CDC5L: variants seen among roughly 807,000 people sequenced by gnomAD.
CDC5L encodes the protein cell division cycle 5 like, also known as cell division cycle 5-like protein.
CDC5L carries 18 observed loss-of-function variants against 104.1 expected under a neutral mutation model. The observed-to-expected ratio is 0.17, with a 90% CI of 0.12 to 0.26. The LOEUF is 0.26. CDC5L is among the 10% of genes least tolerant of loss of function. CDC5L has a pLI of 1.00. For missense variants in CDC5L, 673 were observed against 956.9 expected (o/e 0.70, Z 3.91); for synonymous variants, 331 against 322.7 (o/e 1.03, Z -0.28).
At chr6:44,403,716 C>G in intron 5 of CDC5L, 93 bp from the exon 6 acceptor site, 1 of 861,284 alleles carries the variant, frequency 1.2e-6, no homozygotes, top group Non-Finnish European at 1.8e-6. Context: ...ATTTCTTCCC[C>G]AAATAAATAG....
intron 8 of CDC5L, among the ~76,000 whole-genome samples, chr6:44,418,526 TG>T (rs1792004851): frequency 6.6e-6 from 1 of 152,218 alleles, no homozygotes; most frequent in African/African-American, 2.4e-5. Context: ...ATGGGATGGC[TG>T]GGTCAAATGG....
intron 8 of CDC5L, among the ~76,000 whole-genome samples, chr6:44,409,030 G>A (rs1043440836): frequency 6.6e-6 from 1 of 152,168 alleles, no homozygotes; most frequent in African/African-American, 2.4e-5. Context: ...AACACGTGGG[G>A]TAGACACAGC....
chr6:44,430,851 G>C (rs778342483), intron 14 of CDC5L, among the ~76,000 whole-genome samples: 1 of 152,156 alleles, frequency 6.6e-6, no homozygotes, highest in African/African-American at 2.4e-5. Flanking sequence ...GATTACAGGC[G>C]TGAGCCACCA....
At chr6:44,410,604 G>A (rs1581649471) in intron 8 of CDC5L, among the ~76,000 whole-genome samples, 1 of 152,200 alleles carries the variant, frequency 6.6e-6, no homozygotes. Context: ...GTTGAAGGTA[G>A]CACTGCAAGG....
chr6:44,424,666 C>T (rs2153381512), intron 11 of CDC5L, 83 bp downstream of exon 11: 1 of 1,320,616 alleles, frequency 7.6e-7, no homozygotes, highest in Non-Finnish European at 1.1e-6. Context: ...ATTAAATGTC[C>T]CAAGATCTCT....
intron 8 of CDC5L, among the ~76,000 whole-genome samples, chr6:44,414,884 T>C (rs1234835515): frequency 6.6e-6 from 1 of 152,332 alleles, no homozygotes; most frequent in South Asian, 2.1e-4. Context: ...TATTCCCATG[T>C]TTTTTCCTCA....
At position 44,418,937 on chromosome 6, in the gene CDC5L, A is replaced by G. The variant is rs1246596550; in HGVS notation, c.1093-512A>G. ...GAGTAGGTTGCGAAAATTTTCTCCCATTTTGTAGGTTGCCTGTTCACTCTG... is the reference window on the plus strand; with the variant it reads ...GAGTAGGTTGCGAAAATTTTCTCCCGTTTTGTAGGTTGCCTGTTCACTCTG... On this transcript the variant is annotated intron_variant, in intron 8 of 15. Transcript: ENST00000371477. Among the ~76,000 whole-genome samples, 6 of 146,194 alleles carry G rather than the reference A, an allele frequency of 4.1e-5. No individual in the cohort carries two copies. In the Admixed American group the frequency reaches 4.2e-4, roughly 10 times the overall value.
chr6:44,412,638 G>C (rs960980030), intron 8 of CDC5L, among the ~76,000 whole-genome samples: 1 of 151,256 alleles, frequency 6.6e-6, no homozygotes, highest in African/African-American at 2.4e-5. Flanking sequence ...TTACATTATA[G>C]GACAATATAA....
chr6:44,406,755 A>G (rs1791382190), intron 7 of CDC5L, among the ~76,000 whole-genome samples: 1 of 152,126 alleles, frequency 6.6e-6, no homozygotes, highest in Admixed American at 6.5e-5. Context: ...CTCTACTGAA[A>G]ATACAAAAAT....
At chr6:44,418,390 C>T (rs1791999365) in intron 8 of CDC5L, among the ~76,000 whole-genome samples, 1 of 152,152 alleles carries the variant, frequency 6.6e-6, no homozygotes, top group Non-Finnish European at 1.5e-5. Context: ...TTAATCCAGT[C>T]TATCATTGTT....
chr6:44,431,563 A>G (rs954929039), intron 14 of CDC5L, among the ~76,000 whole-genome samples: 2 of 152,192 alleles, frequency 1.3e-5, no homozygotes, highest in African/African-American at 4.8e-5. Flanking sequence ...TGAGGTGGGT[A>G]AACTCTTTTT....
chr6:44,422,949 T>C, intron 10 of CDC5L, 140 bp downstream of exon 10: 1 of 464,320 alleles, frequency 2.2e-6, no homozygotes, highest in Non-Finnish European at 3.7e-6. Context: ...AAGAATTATT[T>C]GTAAGACTTG....
chr6:44,405,801 T>C (rs1180398698), intron 6 of CDC5L, among the ~76,000 whole-genome samples: 2 of 152,232 alleles, frequency 1.3e-5, no homozygotes, highest in Admixed American at 1.3e-4. Context: ...GGGTACCTTA[T>C]TGATAATTTT....
chr6:44,407,057 C>T (rs1469521779), intron 7 of CDC5L, among the ~76,000 whole-genome samples: 1 of 152,164 alleles, frequency 6.6e-6, no homozygotes, highest in Non-Finnish European at 1.5e-5. Flanking sequence ...AAGTAATTAT[C>T]AGCTCTTAAC....
At chr6:44,427,664 T>C (rs1052803471) in intron 13 of CDC5L, among the ~76,000 whole-genome samples, 9 of 152,218 alleles carry the variant, frequency 5.9e-5, no homozygotes, top group African/African-American at 2.2e-4. Context: ...GATTTCAGAA[T>C]AACTGAGTCA....
intron 14 of CDC5L, among the ~76,000 whole-genome samples, chr6:44,439,668 G>A (rs1431824867): frequency 6.6e-6 from 1 of 152,128 alleles, no homozygotes; most frequent in Non-Finnish European, 1.5e-5. Flanking sequence ...TAGTTGTTAG[G>A]GAAAAGAGCA....
At chr6:44,442,358 TTGTG>T (rs946844966) in intron 14 of CDC5L, among the ~76,000 whole-genome samples, 2 of 148,566 alleles carry the variant, frequency 1.3e-5, no homozygotes, top group Admixed American at 1.4e-4. Flanking sequence ...CCTCTCTTGC[TTGTG>T]TGTGTGTGTA....
chr6:44,437,392 T>G (rs1377890600), intron 14 of CDC5L, among the ~76,000 whole-genome samples: 1 of 152,224 alleles, frequency 6.6e-6, no homozygotes, highest in African/African-American at 2.4e-5. Context: ...AAGTTCAACT[T>G]GAATATTAAA....
chr6:44,387,736 G>T lies in CDC5L; in HGVS notation c.-88G>T. ...AAGCAGAAGGTCGCGCTTGGAGGAA[G>T]TGGCGGCTTTGAGTCCGGTGGCCCA... On this transcript the variant is annotated 5_prime_UTR_variant, in exon 1 of 16. Coordinates refer to ENST00000371477, the MANE Select transcript of CDC5L (RefSeq NM_001253.4). 8.4e-7 allele frequency: 1 copy of T among 1,189,090 alleles called. No homozygotes were observed. The highest frequency in any genetic ancestry group is 1.2e-6 in the Non-Finnish European group (1 of 820,286). 73.7% of individuals were successfully genotyped at this position (1,189,090 alleles called of 1,614,324 possible).
Sources: allele counts gnomAD v4.1 joint callset (sites outside exome capture counted in the v4.1 genomes callset), GRCh38; gene constraint gnomAD v4.1.1; transcripts MANE v1.5; gene names NCBI Gene and HGNC (gene_info 2026-07-23, HGNC 2026-07-21).